The following NBPF12 variants were observed in gnomAD, a reference collection of about 807,000 sequenced individuals.
The protein encoded by NBPF12 is NBPF family member NBPF12.
NBPF12 carries 115 observed loss-of-function variants against 146.4 expected under a neutral mutation model. That is an observed-to-expected ratio of 0.79 (90% CI 0.68 to 0.92). NBPF12 has a LOEUF of 0.92. Among genes scored for constraint, NBPF12 ranks in the 40% least tolerant of loss-of-function variants. The pLI, the probability that NBPF12 is intolerant of heterozygous loss-of-function variation, is 0.00. For missense variants in NBPF12, 1,205 were observed against 1,326.8 expected (o/e 0.91, Z 1.43); for synonymous variants, 385 against 508.9 (o/e 0.76, Z 3.28).
rs1471325791 is a variant in NBPF12 at position 146,970,507 on chromosome 1, T to G, written c.1307-140T>G. ...TGGACCAGGAAACCATGCCAGGGCA[T>G]TTTGTGAAAGATAAAACATGAGAGT... On this transcript the variant is annotated intron_variant, in intron 11 of 33. Coordinates refer to ENST00000617844, the Ensembl canonical transcript of NBPF12. 8.3e-6 allele frequency: 10 copies of G among 1,205,594 alleles called. 1 individual carries two copies. The African/African-American group carries it at 1.5e-4, about 19-fold the overall frequency. 74.7% of individuals were successfully genotyped at this position (1,205,594 alleles called of 1,614,324 possible).
chr1:146,954,917 G>A (rs1655504701), intron 2 of NBPF12, among the ~76,000 whole-genome samples: 2 of 124,100 alleles, frequency 1.6e-5, no homozygotes. Context: ...GTGTGTGTGT[G>A]TGTGTATATA....
intron 16 of NBPF12, among the ~76,000 whole-genome samples, chr1:146,976,588 G>GCA (rs1657044867): frequency 6.8e-6 from 1 of 147,958 alleles, no homozygotes; most frequent in Non-Finnish European, 1.5e-5. Flanking sequence ...AATGCAAACT[G>GCA]TGACAGGACA....
At chr1:146,964,495 C>G (rs1157367363) in intron 7 of NBPF12, 66 bp downstream of exon 10, 64 of 1,590,466 alleles carry the variant, frequency 4.0e-5, no homozygotes, top group Non-Finnish European at 5.3e-5. Flanking sequence ...AAGGCACACC[C>G]TCTCTGGCAT....
chr1:146,980,602 G>C (rs1173073987), intron 19 of NBPF12, among the ~76,000 whole-genome samples: 12 of 151,844 alleles, frequency 7.9e-5, no homozygotes, highest in Non-Finnish European at 4.4e-5. Flanking sequence ...TGAAATTCTT[G>C]GTTGAAAATT....
intron 14 of NBPF12, among the ~76,000 whole-genome samples, chr1:146,973,612 AC>A (rs1656798991): frequency 6.7e-6 from 1 of 148,738 alleles, no homozygotes; most frequent in Non-Finnish European, 1.5e-5. Flanking sequence ...ACATGGAGAA[AC>A]CCCATCTCCA....
intron 19 of NBPF12, among the ~76,000 whole-genome samples, chr1:146,981,294 A>AATATATATATATAT (rs1156779222): frequency 1.1e-5 from 1 of 90,246 alleles, no homozygotes; most frequent in African/African-American, 4.8e-5. Context: ...AAAAAAAAAA[A>AATATATATATATAT]ATATATATAT....
chr1:146,975,421 A>T (rs1270906458), intron 15 of NBPF12, among the ~76,000 whole-genome samples: 2 of 149,988 alleles, frequency 1.3e-5, no homozygotes, highest in African/African-American at 5.0e-5. Flanking sequence ...AATTAGGAAG[A>T]CACCTACTTT....
intron 19 of NBPF12, among the ~76,000 whole-genome samples, chr1:146,981,033 A>G (rs1341784561): frequency 5.8e-5 from 8 of 139,116 alleles, no homozygotes; most frequent in Non-Finnish European, 1.2e-4. Flanking sequence ...TGCAAGGACA[A>G]AAAACCAAAT....
At chr1:146,990,738 G>T (rs1191140724) in intron 29 of NBPF12, among the ~76,000 whole-genome samples, 2 of 114,694 alleles carry the variant, frequency 1.7e-5, no homozygotes, top group Admixed American at 1.0e-4. Context: ...CTCAAAGGCC[G>T]TATGGCAACT....
chr1:146,994,762 G>C, exon 34 of NBPF12: 10 of 990,544 alleles, frequency 1.0e-5, no homozygotes, highest in Non-Finnish European at 1.4e-5. Flanking sequence ...ATGGACCCAC[G>C]TTAGGTGTGA....
chr1:146,967,891 TAGG>T (rs1332009006), intron 9 of NBPF12, among the ~76,000 whole-genome samples: 39,589 of 138,690 alleles, frequency 0.29, 6,284 homozygotes, highest in Admixed American at 0.39. Context: ...CATTTGGGCA[TAGG>T]ATTTCCTTCA....
chr1:146,939,651 C>CCTTTCA (rs1308376962), intron 1 of NBPF12, among the ~76,000 whole-genome samples: 1 of 151,926 alleles, frequency 6.6e-6, no homozygotes, highest in Non-Finnish European at 1.5e-5. Flanking sequence ...CATTTGGCGT[C>CCTTTCA]CTTTCACCCA....
intron 9 of NBPF12, 23 bp from the exon 13 acceptor site, chr1:146,968,425 C>T (rs1206093560): frequency 9.0e-6 from 14 of 1,555,496 alleles, no homozygotes; most frequent in Non-Finnish European, 1.2e-5. Context: ...TCCACTGATG[C>T]AGGCGTGTCT....
chr1:146,994,560 C>G, exon 34 of NBPF12: 1 of 1,609,342 alleles, frequency 6.2e-7, no homozygotes, highest in Non-Finnish European at 8.5e-7. Flanking sequence ...AGATGGGAGT[C>G]ATATTCCCAC....
rs1182919966 is a variant in NBPF12, at chr1:146,981,292, A to ATATAT, written c.2451-1636_2451-1635insTATAT. Among the ~76,000 whole-genome samples, 263 of 104,062 alleles carry ATATAT rather than the reference A, an allele frequency of 2.5e-3. 1 individual carries two copies. Among genetic ancestry groups the ATATAT allele is most frequent in the African/African-American group, 9.7e-3 (238 of 24,550 alleles). The allele number at this position is 104,062 out of a possible 152,430, so 68.3% of individuals were successfully genotyped here. A position where few individuals can be genotyped will look rare whatever the true frequency, so the allele number is the denominator to read the frequency against. On this transcript the variant is annotated intron_variant, in intron 19 of 33. Coordinates refer to ENST00000617844, the Ensembl canonical transcript of NBPF12. ...CTTAAAGTATTAAAAAAAAAAAAAAAAAATATATATATATATATATATACA... is the reference window on the plus strand; with the variant it reads ...CTTAAAGTATTAAAAAAAAAAAAAAATATATAAATATATATATATATATATATACA...
intron 19 of NBPF12, among the ~76,000 whole-genome samples, chr1:146,982,463 G>A (rs1229684597): frequency 6.6e-6 from 1 of 150,688 alleles, no homozygotes; most frequent in South Asian, 2.1e-4. Flanking sequence ...ATGTTGGCTA[G>A]TATTTTTGCA....
rs1274774668 is a variant in NBPF12, at chr1:146,980,568, T to C, written c.2450+1558T>C. On this transcript the variant is annotated intron_variant, in intron 19 of 33. Coordinates refer to ENST00000617844, the Ensembl canonical transcript of NBPF12. Reference sequence around the variant, plus strand: ...GTAAAGGATTTATTTCTCCTTCACTTATGAAGCTTTGTTTGGCTGGATATG... The same window carrying C: ...GTAAAGGATTTATTTCTCCTTCACTCATGAAGCTTTGTTTGGCTGGATATG... Among the ~76,000 whole-genome samples, 727 of 151,948 alleles carry C rather than the reference T, an allele frequency of 4.8e-3. 3 individuals carry two copies. The highest frequency in any genetic ancestry group is 6.8e-3 in the Non-Finnish European group (463 of 68,008).
chr1:146,981,190 T>A (rs1441233724), intron 19 of NBPF12, among the ~76,000 whole-genome samples: 1 of 133,564 alleles, frequency 7.5e-6, no homozygotes, highest in Non-Finnish European at 1.6e-5. Flanking sequence ...AAATGATGAG[T>A]TAATGGGTGA....
chr1:146,992,428 A>G (rs1658230291), intron 31 of NBPF12, among the ~76,000 whole-genome samples: 1 of 123,418 alleles, frequency 8.1e-6, no homozygotes, highest in African/African-American at 3.4e-5. Context: ...CAATTCACTG[A>G]GCTCGTTCTC....
Sources: gnomAD v4.1 joint callset for allele counts (sites outside exome capture counted in the v4.1 genomes callset) on GRCh38, gnomAD v4.1.1 for gene constraint, MANE v1.5 for transcripts, NCBI Gene and HGNC (gene_info 2026-07-23, HGNC 2026-07-21) for gene names.